The following PRIM2 variants were observed in gnomAD, a reference collection of about 807,000 sequenced individuals.
PRIM2 encodes the protein DNA primase subunit 2.
Under a neutral mutation model 67.3 loss-of-function variants are expected in PRIM2, and 39 were observed. The ratio of observed to expected loss-of-function variants is 0.58; its 90% CI spans 0.45 to 0.76. The LOEUF is 0.76. PRIM2 is among the 30% of genes least tolerant of loss of function. PRIM2 has a pLI of 0.00. For missense variants in PRIM2, 398 were observed against 598.7 expected, an observed-to-expected ratio of 0.66 and a Z score of 3.50; for synonymous variants, 143 against 198.7, an observed-to-expected ratio of 0.72 and a Z score of 2.36.
chr6:57,274,498 G>A, the PRIM2 span, among the ~76,000 whole-genome samples: 1 of 152,250 alleles, frequency 6.6e-6, no homozygotes, highest in African/African-American at 2.4e-5. Flanking sequence ...TTGGGTGGGA[G>A]TGACCCGATT....
chr6:57,574,229 A>G (rs1411914423), intron 10 of PRIM2, among the ~76,000 whole-genome samples: 1 of 152,250 alleles, frequency 6.6e-6, no homozygotes, highest in Non-Finnish European at 1.5e-5. Flanking sequence ...TCTAATTGGC[A>G]TGAGCCAGCC....
chr6:57,338,128 G>A (rs912438505), intron 5 of PRIM2, among the ~76,000 whole-genome samples: 28 of 151,680 alleles, frequency 1.8e-4, no homozygotes, highest in African/African-American at 5.8e-4. Context: ...TAAATTCCTC[G>A]ACACATACAC....
chr6:57,359,587 A>G (rs4615395), intron 5 of PRIM2, among the ~76,000 whole-genome samples: 19,386 of 152,134 alleles, frequency 0.13, 1,396 homozygotes, highest in African/African-American at 0.18. Flanking sequence ...AGTTTGTTAT[A>G]CAGTGATAGA....
intron 7 of PRIM2, among the ~76,000 whole-genome samples, chr6:57,453,395 A>G (rs1215073946): frequency 6.6e-6 from 1 of 152,076 alleles, no homozygotes; most frequent in Non-Finnish European, 1.5e-5. Context: ...CATTTTCACA[A>G]TATTGATTCT....
intron 7 of PRIM2, among the ~76,000 whole-genome samples, chr6:57,420,152 A>C (rs758855414): frequency 6.6e-6 from 1 of 152,146 alleles, no homozygotes; most frequent in Non-Finnish European, 1.5e-5. Flanking sequence ...TTCTATTAAT[A>C]ATTAGTCCTG....
At chr6:57,311,130 C>T (rs1230554279), upstream of PRIM2, among the ~76,000 whole-genome samples, 37 of 132,334 alleles carry the variant, frequency 2.8e-4, no homozygotes, top group East Asian at 4.9e-4. Flanking sequence ...ACCTCCCAGA[C>T]GGGGCGGCCG....
At chr6:57,438,595 A>G (rs1167714622) in intron 7 of PRIM2, among the ~76,000 whole-genome samples, 1 of 152,184 alleles carries the variant, frequency 6.6e-6, no homozygotes, top group African/African-American at 2.4e-5. Context: ...ACTCTTGGAA[A>G]GACTTAGTTT....
intron 10 of PRIM2, among the ~76,000 whole-genome samples, chr6:57,564,337 A>G (rs1226910481): frequency 4.6e-5 from 7 of 152,214 alleles, no homozygotes; most frequent in African/African-American, 1.4e-4. Flanking sequence ...CTGGATTGAC[A>G]TGGAGGAAAT....
At chr6:57,347,037 CT>C (rs1422360402) in intron 5 of PRIM2, among the ~76,000 whole-genome samples, 8 of 152,288 alleles carry the variant, frequency 5.3e-5, no homozygotes, top group African/African-American at 1.9e-4. Context: ...ATCTCCATGA[CT>C]TTCAAATACC....
At chr6:57,401,814 G>A (rs1770718137) in intron 7 of PRIM2, among the ~76,000 whole-genome samples, 2 of 152,160 alleles carry the variant, frequency 1.3e-5, no homozygotes, top group South Asian at 4.1e-4. Flanking sequence ...ACTGGGGGTG[G>A]GTAGGTGGAA....
intron 7 of PRIM2, among the ~76,000 whole-genome samples, chr6:57,451,568 A>G (rs928843166): frequency 3.3e-5 from 5 of 152,110 alleles, no homozygotes; most frequent in African/African-American, 1.2e-4. Flanking sequence ...CACTTTTTTC[A>G]TTTAAGGCTC....
At chr6:57,249,225 C>A in the PRIM2 span, among the ~76,000 whole-genome samples, 1 of 152,160 alleles carries the variant, frequency 6.6e-6, no homozygotes, top group Non-Finnish European at 1.5e-5. Context: ...TCCTTCCCTG[C>A]TTCTGCAAAA....
intron 5 of PRIM2, among the ~76,000 whole-genome samples, chr6:57,357,183 T>C (rs1285539015): frequency 6.6e-6 from 1 of 152,146 alleles, no homozygotes; most frequent in East Asian, 1.9e-4. Flanking sequence ...CCCCCCACAT[T>C]GGCCTCCCAA....
chr6:57,457,202 G>T (rs1176531891), intron 7 of PRIM2, among the ~76,000 whole-genome samples: 1 of 152,194 alleles, frequency 6.6e-6, no homozygotes, highest in Non-Finnish European at 1.5e-5. Flanking sequence ...GCCCCTACTG[G>T]GAGGTGCCTC....
At chr6:57,477,771 A>G (rs1773510355) in intron 7 of PRIM2, among the ~76,000 whole-genome samples, 1 of 152,212 alleles carries the variant, frequency 6.6e-6, no homozygotes, top group Non-Finnish European at 1.5e-5. Flanking sequence ...GGAAAGACTT[A>G]TTTGTTTAAA....
intron 10 of PRIM2, among the ~76,000 whole-genome samples, chr6:57,588,676 A>G (rs1776236497): frequency 6.6e-6 from 1 of 151,864 alleles, no homozygotes; most frequent in Non-Finnish European, 1.5e-5. Context: ...AGTTGTTTTA[A>G]CTGCAGTGCC....
At chr6:57,466,516 A>G (rs1321707446) in intron 7 of PRIM2, among the ~76,000 whole-genome samples, 2 of 152,200 alleles carry the variant, frequency 1.3e-5, no homozygotes, top group Non-Finnish European at 2.9e-5. Context: ...TTGTCATTCT[A>G]ACTGGTGTGA....
At chr6:57,529,623 A>G (rs1774844804) in intron 8 of PRIM2, among the ~76,000 whole-genome samples, 1 of 152,214 alleles carries the variant, frequency 6.6e-6, no homozygotes, top group African/African-American at 2.4e-5. Context: ...GGGAAAGATA[A>G]TTCAAGGCAA....
the PRIM2 span, among the ~76,000 whole-genome samples, chr6:57,281,750 G>A: frequency 6.6e-6 from 1 of 152,156 alleles, no homozygotes; most frequent in South Asian, 2.1e-4. Flanking sequence ...TAGCCTGCAT[G>A]TGGGAGCAGC....
Sources: allele counts gnomAD v4.1 joint callset (sites outside exome capture counted in the v4.1 genomes callset), GRCh38; gene constraint gnomAD v4.1.1; transcripts MANE v1.5; gene names NCBI Gene and HGNC (gene_info 2026-07-23, HGNC 2026-07-21).